Variants in ARF3 observed in about 807,000 individuals in gnomAD.
ARF3 encodes the protein ARF GTPase 3.
A neutral mutation model predicts 19.3 loss-of-function variants in ARF3; 5 were observed. The observed-to-expected ratio is 0.26, with a 90% CI of 0.14 to 0.54. The LOEUF (loss-of-function observed/expected upper bound fraction) is 0.54. ARF3 is among the 20% of genes least tolerant of loss of function. ARF3 has a pLI of 0.95. For missense variants in ARF3, 77 were observed against 234.2 expected (o/e 0.33, Z 4.38); for synonymous variants, 71 against 89.2 (o/e 0.80, Z 1.15).
intron 1 of ARF3, among the ~76,000 whole-genome samples, chr12:48,951,388 C>T (rs1191426241): frequency 6.7e-6 from 1 of 149,936 alleles, no homozygotes; most frequent in Non-Finnish European, 1.5e-5. Context: ...TGGTGAGACC[C>T]CATCTCTACT....
intron 1 of ARF3, among the ~76,000 whole-genome samples, chr12:48,952,220 G>GT (rs1256534100): frequency 2.0e-5 from 3 of 152,212 alleles, no homozygotes; most frequent in African/African-American, 7.2e-5. Context: ...CCACAGCTGT[G>GT]AAGTGAAGAA....
chr12:48,955,170 C>CA (rs1174278877), intron 1 of ARF3, among the ~76,000 whole-genome samples: 1 of 152,182 alleles, frequency 6.6e-6, no homozygotes, highest in African/African-American at 2.4e-5. Flanking sequence ...GGTGAACACA[C>CA]ACTACAATAT....
rs1940218892 is a variant in ARF3 at position 48,939,807 on chromosome 12, A to G, written c.260-28T>C. 2 of 1,613,232 alleles carry G rather than the reference A, an allele frequency of 1.2e-6. No homozygotes were observed. Among genetic ancestry groups the G allele is most frequent in the Non-Finnish European group, 1.7e-6 (2 of 1,179,560 alleles). The stretch of plus-strand genomic sequence containing the variant: ...AGGAAGGCAGAGCATGGGCTGCACT[A>G]AGATGACAGGTAACCCCCTCCCCCC... On this transcript the variant is annotated intron_variant, in intron 3 of 4. Coordinates refer to ENST00000256682, the MANE Select transcript of ARF3 (RefSeq NM_001659.3). The surrounding 1 kb of genome is among the most constrained non-coding windows in gnomAD (Gnocchi z 4.8).
At chr12:48,944,041 C>T (rs1940312439) in intron 1 of ARF3, among the ~76,000 whole-genome samples, 2 of 152,254 alleles carry the variant, frequency 1.3e-5, no homozygotes, top group Non-Finnish European at 2.9e-5. Flanking sequence ...ACTAACACCT[C>T]ATGAAATTTA....
At position 48,939,793 on chromosome 12, in the gene ARF3, G is replaced by C. The variant is rs769146159; in HGVS notation, c.260-14C>G. The C allele has an allele frequency of 3.1e-6, 5 of 1,613,760 alleles. No individual in the cohort carries two copies. Among genetic ancestry groups the C allele is most frequent in the East Asian group, 2.2e-5 (1 of 44,898 alleles). ...CAAATATCAACCCTAGGAAGGCAGA[G>C]CATGGGCTGCACTAAGATGACAGGT... On this transcript the variant is annotated splice_polypyrimidine_tract_variant and intron_variant, in intron 3 of 4. Coordinates refer to ENST00000256682, the MANE Select transcript of ARF3 (RefSeq NM_001659.3). This position sits in a 1 kb window ranked among gnomAD's most constrained non-coding sequence, Gnocchi z 4.8.
At chr12:48,954,457 G>A (rs1002672561) in intron 1 of ARF3, among the ~76,000 whole-genome samples, 6 of 152,070 alleles carry the variant, frequency 3.9e-5, no homozygotes, top group African/African-American at 1.4e-4. Context: ...ACAGTTATTT[G>A]GTACTTACTA....
In ARF3 at chr12:48,941,182, C is replaced by G; in HGVS notation, c.-87G>C. ...TTGGCCTGGTCCCTGGTATGGAAGA[C>G]TTGATCCTAGACAAAGGAAATGTAA... On this transcript the variant is annotated 5_prime_UTR_variant, in exon 2 of 5. Coordinates refer to ENST00000256682, the MANE Select transcript of ARF3 (RefSeq NM_001659.3). The G allele has an allele frequency of 1.4e-6, 2 of 1,410,664 alleles. No individual in the cohort carries two copies. The highest frequency in any genetic ancestry group is 1.4e-5 in the South Asian group (1 of 73,794). 87.4% of individuals were successfully genotyped at this position (1,410,664 alleles called of 1,614,324 possible).
intron 1 of ARF3, among the ~76,000 whole-genome samples, chr12:48,948,661 A>T (rs1320097856): frequency 6.6e-6 from 1 of 152,134 alleles, no homozygotes; most frequent in Non-Finnish European, 1.5e-5. Flanking sequence ...AAATAGAAAA[A>T]TTAGCCGGGT....
At chr12:48,949,034 T>C (rs908746141) in intron 1 of ARF3, among the ~76,000 whole-genome samples, 3 of 152,132 alleles carry the variant, frequency 2.0e-5, no homozygotes, top group African/African-American at 7.2e-5. Context: ...CAAGTGGAGA[T>C]AGAGAGAAGA....
At chr12:48,940,559 T>C (rs1237351184) in intron 2 of ARF3, among the ~76,000 whole-genome samples, 1 of 152,136 alleles carries the variant, frequency 6.6e-6, no homozygotes. Context: ...CCCATCTACA[T>C]AGCAAATGTA....
chr12:48,944,701 G>A (rs2137583527), intron 1 of ARF3, among the ~76,000 whole-genome samples: 1 of 152,288 alleles, frequency 6.6e-6, no homozygotes, highest in African/African-American at 2.4e-5. Flanking sequence ...TGCACAGCGA[G>A]TTGCTTAGCT....
At chr12:48,946,924 T>C (rs1374434887) in intron 1 of ARF3, among the ~76,000 whole-genome samples, 1 of 152,220 alleles carries the variant, frequency 6.6e-6, no homozygotes, top group Non-Finnish European at 1.5e-5. Flanking sequence ...ACTCCTGATC[T>C]GGCACTACCT....
intron 1 of ARF3, among the ~76,000 whole-genome samples, chr12:48,946,927 C>T (rs1172218327): frequency 6.6e-6 from 1 of 152,218 alleles, no homozygotes; most frequent in Non-Finnish European, 1.5e-5. Context: ...CCTGATCTGG[C>T]ACTACCTCCT....
At position 48,948,587 on chromosome 12, in the gene ARF3, C is replaced by T. The variant is rs975399825; in HGVS notation, c.-93-7399G>A. Among the ~76,000 whole-genome samples the T allele has an allele frequency of 5.3e-5, 8 of 151,960 alleles. No individual in the cohort carries two copies. The South Asian group carries it at 6.2e-4, about 12-fold the overall frequency. ...CAGCACTTTGGGAGGCCGAGGTGGGCGGATCACAAGGTCAGAAGATCAAGA... is the reference window on the plus strand; with the variant it reads ...CAGCACTTTGGGAGGCCGAGGTGGGTGGATCACAAGGTCAGAAGATCAAGA... On this transcript the variant is annotated intron_variant, in intron 1 of 4. Transcript: ENST00000256682.
chr12:48,943,184 A>G (rs1359497816), intron 1 of ARF3, among the ~76,000 whole-genome samples: 1 of 152,184 alleles, frequency 6.6e-6, no homozygotes, highest in Non-Finnish European at 1.5e-5. Context: ...ATCATTATGA[A>G]GGTATAAAAT....
At chr12:48,944,796 T>C (rs1468132205) in intron 1 of ARF3, among the ~76,000 whole-genome samples, 2 of 152,200 alleles carry the variant, frequency 1.3e-5, no homozygotes, top group Non-Finnish European at 2.9e-5. Context: ...AAGACTAGAA[T>C]TGGTGGGATT....
At chr12:48,945,747 T>C (rs986268434) in intron 1 of ARF3, among the ~76,000 whole-genome samples, 1 of 152,136 alleles carries the variant, frequency 6.6e-6, no homozygotes, top group Non-Finnish European at 1.5e-5. Context: ...GTAGCTATCA[T>C]GTATCTCCCT....
chr12:48,944,640 A>T (rs1940323411), intron 1 of ARF3, among the ~76,000 whole-genome samples: 1 of 152,234 alleles, frequency 6.6e-6, no homozygotes, highest in Non-Finnish European at 1.5e-5. Context: ...TCATCTGAGG[A>T]TGTCCTTATA....
intron 1 of ARF3, among the ~76,000 whole-genome samples, chr12:48,944,844 A>C (rs1276602653): frequency 6.6e-6 from 1 of 152,190 alleles, no homozygotes; most frequent in African/African-American, 2.4e-5. Context: ...ACTGATGAAT[A>C]ACTGATAAAA....
Sources: gnomAD v4.1 joint callset for allele counts (sites outside exome capture counted in the v4.1 genomes callset) on GRCh38, gnomAD v4.1.1 for gene constraint, Gnocchi (gnomAD v3.1) non-coding constraint, MANE v1.5 for transcripts, NCBI Gene and HGNC (gene_info 2026-07-23, HGNC 2026-07-21) for gene names.